Variants in MAP4K3 observed in about 807,000 individuals in gnomAD.
MAP4K3 encodes the protein MAPK/ERK kinase kinase kinase 3.
A neutral mutation model predicts 143.5 loss-of-function variants in MAP4K3; 94 were observed. That is an observed-to-expected ratio of 0.65 (90% confidence interval 0.55 to 0.78). The LOEUF (loss-of-function observed/expected upper bound fraction) is 0.78. Ranked by LOEUF, MAP4K3 falls within the 30% of genes least tolerant of loss-of-function variation. The pLI, the probability that MAP4K3 is intolerant of heterozygous loss-of-function variation, is 0.00. For synonymous variants in MAP4K3, 416 were observed against 347.2 expected, an observed-to-expected ratio of 1.20 and a Z score of -2.20; for missense variants, 1,077 against 1,068.1, an observed-to-expected ratio of 1.01 and a Z score of -0.12.
At chr2:39,321,315 A>G (rs878933081) in intron 12 of MAP4K3, among the ~76,000 whole-genome samples, 1 of 152,172 alleles carries the variant, frequency 6.6e-6, no homozygotes, top group Admixed American at 6.5e-5. Context: ...TCTCTGAAAC[A>G]TGTGCTGTGT....
intron 2 of MAP4K3, among the ~76,000 whole-genome samples, chr2:39,357,485 G>C (rs771048347): frequency 1.3e-5 from 2 of 152,176 alleles, no homozygotes; most frequent in Non-Finnish European, 2.9e-5. Flanking sequence ...ATTGAGACTT[G>C]AAACAGCCCA....
At chr2:39,397,493 G>A (rs1460909832) in intron 1 of MAP4K3, among the ~76,000 whole-genome samples, 4 of 152,120 alleles carry the variant, frequency 2.6e-5, no homozygotes, top group Admixed American at 2.0e-4. Flanking sequence ...TGAAGAGAAA[G>A]TTATAATCAT....
At chr2:39,326,836 C>T (rs888430208) in intron 8 of MAP4K3, among the ~76,000 whole-genome samples, 2 of 152,074 alleles carry the variant, frequency 1.3e-5, no homozygotes, top group Non-Finnish European at 1.5e-5. Flanking sequence ...GGCCGTTTCC[C>T]GAGTGCTCTC....
chr2:39,370,081 T>C (rs897915264), intron 2 of MAP4K3, among the ~76,000 whole-genome samples: 3 of 152,186 alleles, frequency 2.0e-5, no homozygotes, highest in Non-Finnish European at 4.4e-5. Flanking sequence ...TGAAGCCAAA[T>C]CACTGGTCAT....
chr2:39,360,139 G>C (rs959152008), intron 2 of MAP4K3, among the ~76,000 whole-genome samples: 6 of 152,122 alleles, frequency 3.9e-5, no homozygotes, highest in Non-Finnish European at 7.4e-5. Flanking sequence ...TGGCTCCTTA[G>C]AAATTTCTTC....
chr2:39,415,239 C>T (rs748445268), intron 1 of MAP4K3, among the ~76,000 whole-genome samples: 1 of 152,162 alleles, frequency 6.6e-6, no homozygotes, highest in Non-Finnish European at 1.5e-5. Flanking sequence ...GAACAAGCAT[C>T]AGAAGTATTA....
intron 2 of MAP4K3, among the ~76,000 whole-genome samples, chr2:39,371,663 C>A (rs985562307): frequency 8.6e-5 from 13 of 151,800 alleles, no homozygotes; most frequent in Admixed American, 8.5e-4. Context: ...TATGAAGATA[C>A]ACAGACTAAA....
chr2:39,367,004 A>C lies in MAP4K3; in HGVS notation c.155-10665T>G, dbSNP rs375102901. On this transcript the variant is annotated intron_variant, in intron 2 of 33. Transcript: ENST00000263881. ...TCCTACTTATTTCAAAACAAATGAAAAAATGATTAAAACAGCAATATTTGT... is the reference window on the plus strand; with the variant it reads ...TCCTACTTATTTCAAAACAAATGAACAAATGATTAAAACAGCAATATTTGT... Among the ~76,000 whole-genome samples, 7 of 152,374 alleles carry C rather than the reference A, an allele frequency of 4.6e-5. No individual in the cohort carries two copies. In the East Asian group the frequency reaches 1.3e-3, roughly 29 times the overall value.
intron 2 of MAP4K3, among the ~76,000 whole-genome samples, chr2:39,374,282 T>C (rs2080574): frequency 0.013 from 2,049 of 152,112 alleles, 20 homozygotes; most frequent in Non-Finnish European, 0.017. Flanking sequence ...TTCATGAAGA[T>C]TGCTTGAACC....
chr2:39,378,428 C>A (rs1666277474), intron 1 of MAP4K3, among the ~76,000 whole-genome samples: 1 of 152,036 alleles, frequency 6.6e-6, no homozygotes, highest in Non-Finnish European at 1.5e-5. Context: ...AAAATAGGTA[C>A]TGATATTATT....
chr2:39,316,756 T>A (rs1683124424), intron 12 of MAP4K3, among the ~76,000 whole-genome samples: 1 of 152,112 alleles, frequency 6.6e-6, no homozygotes, highest in Non-Finnish European at 1.5e-5. Context: ...GGTATTACAT[T>A]TACTAGAATT....
At chr2:39,321,871 C>T (rs562605234) in intron 12 of MAP4K3, among the ~76,000 whole-genome samples, 21 of 152,210 alleles carry the variant, frequency 1.4e-4, no homozygotes, top group African/African-American at 3.1e-4. Context: ...CCACTGTTCA[C>T]GTGTTTGTCT....
At chr2:39,305,055 G>A (rs1197618086) in intron 15 of MAP4K3, among the ~76,000 whole-genome samples, 1 of 152,128 alleles carries the variant, frequency 6.6e-6, no homozygotes, top group Non-Finnish European at 1.5e-5. Flanking sequence ...GGGCTGGAGG[G>A]AAAAAGGAAT....
At chr2:39,376,460 A>C (rs1350125828) in intron 2 of MAP4K3, among the ~76,000 whole-genome samples, 1 of 152,224 alleles carries the variant, frequency 6.6e-6, no homozygotes, top group African/African-American at 2.4e-5. Context: ...CTGACAGTGC[A>C]ACAACTTGAA....
chr2:39,386,540 T>C (rs952276581), intron 1 of MAP4K3, among the ~76,000 whole-genome samples: 1 of 152,236 alleles, frequency 6.6e-6, no homozygotes, highest in African/African-American at 2.4e-5. Context: ...TGTTTTTACA[T>C]TTAGTTTCAT....
At chr2:39,302,366 T>C (rs1412409148) in intron 15 of MAP4K3, among the ~76,000 whole-genome samples, 1 of 152,174 alleles carries the variant, frequency 6.6e-6, no homozygotes, top group African/African-American at 2.4e-5. Context: ...TAAATCCTTC[T>C]AAAAAGTTTC....
intron 1 of MAP4K3, among the ~76,000 whole-genome samples, chr2:39,384,371 C>A (rs1376358208): frequency 6.6e-6 from 1 of 152,182 alleles, no homozygotes; most frequent in Non-Finnish European, 1.5e-5. Context: ...TATGATGAAA[C>A]ACCATCTCTA....
intron 23 of MAP4K3, 144 bp downstream of exon 23, chr2:39,280,128 T>C (rs1681452753): frequency 4.0e-6 from 2 of 495,292 alleles, no homozygotes; most frequent in Non-Finnish European, 3.6e-6. Flanking sequence ...CAAAGAAACA[T>C]ATTTACCTTA....
intron 1 of MAP4K3, among the ~76,000 whole-genome samples, chr2:39,427,779 G>A (rs550935868): frequency 6.6e-6 from 1 of 152,108 alleles, no homozygotes; most frequent in African/African-American, 2.4e-5. Flanking sequence ...TGGCCCTAAT[G>A]AATTTGAAAA....
Sources: gnomAD v4.1 joint callset for allele counts (sites outside exome capture counted in the v4.1 genomes callset) on GRCh38, gnomAD v4.1.1 for gene constraint, MANE v1.5 for transcripts, NCBI Gene and HGNC (gene_info 2026-07-23, HGNC 2026-07-21) for gene names.